Variants in SCHIP1 observed in about 807,000 individuals in gnomAD.
SCHIP1 encodes the protein schwannomin-interacting protein 1.
A neutral mutation model predicts 29.7 loss-of-function variants in SCHIP1; 8 were observed. The ratio of observed to expected loss-of-function variants is 0.27; its 90% CI spans 0.16 to 0.49. The LOEUF (loss-of-function observed/expected upper bound fraction) is 0.49. Among genes scored for constraint, SCHIP1 ranks in the 20% least tolerant of loss-of-function variants. The pLI is 0.99. For synonymous variants in SCHIP1, 76 were observed against 94.9 expected, an observed-to-expected ratio of 0.80 and a Z score of 1.16; for missense variants, 193 against 294.6, an observed-to-expected ratio of 0.66 and a Z score of 2.52.
chr3:159,804,866 T>C, the SCHIP1 span, among the ~76,000 whole-genome samples: 2 of 152,234 alleles, frequency 1.3e-5, no homozygotes, highest in Non-Finnish European at 2.9e-5. Flanking sequence ...CATTTACAGC[T>C]ATCCTCCCAC....
chr3:159,313,276 AG>A, the SCHIP1 span, among the ~76,000 whole-genome samples: 1 of 152,184 alleles, frequency 6.6e-6, no homozygotes, highest in Non-Finnish European at 1.5e-5. Context: ...ACAAAAGCAA[AG>A]TTCTTTGGTT....
the SCHIP1 span, among the ~76,000 whole-genome samples, chr3:159,693,248 G>A: frequency 1.3e-5 from 2 of 152,090 alleles, no homozygotes; most frequent in Non-Finnish European, 2.9e-5. Flanking sequence ...ATATTATTAA[G>A]AATAGTTTTA....
chr3:159,612,576 G>A, the SCHIP1 span, among the ~76,000 whole-genome samples: 41 of 152,274 alleles, frequency 2.7e-4, no homozygotes, highest in Middle Eastern at 3.4e-3. Flanking sequence ...GCGAAACTCC[G>A]TCTCTACTAA....
At chr3:159,322,053 T>G in the SCHIP1 span, among the ~76,000 whole-genome samples, 1 of 151,850 alleles carries the variant, frequency 6.6e-6, no homozygotes, top group East Asian at 2.0e-4. Context: ...TTGCCAGTAG[T>G]TCATATCACT....
the SCHIP1 span, among the ~76,000 whole-genome samples, chr3:159,452,162 GGGAT>G: frequency 6.7e-6 from 1 of 149,894 alleles, no homozygotes; most frequent in African/African-American, 2.4e-5. Flanking sequence ...TTTAAGTTCT[GGGAT>G]ACATGTGCAG....
In SCHIP1 at chr3:159,861,739, G is replaced by T. The variant is rs528338952; in HGVS notation, c.31-4424G>T. Among the ~76,000 whole-genome samples, 4 of 152,308 alleles carry T rather than the reference G, an allele frequency of 2.6e-5. No homozygotes were observed. Among genetic ancestry groups the T allele is most frequent in the Admixed American group, 1.3e-4 (2 of 15,298 alleles). On this transcript the variant is annotated intron_variant, in intron 1 of 6. Transcript: ENST00000445224. The surrounding 1 kb of genome is among the most constrained non-coding windows in gnomAD (Gnocchi z 4.1). The stretch of plus-strand genomic sequence containing the variant: ...TTTGCTAGCAATACTAATTTTAGAT[G>T]TTGTACTTTTGTTTTATGAGGGTAT...
chr3:159,661,346 A>T, the SCHIP1 span, among the ~76,000 whole-genome samples: 2 of 152,066 alleles, frequency 1.3e-5, no homozygotes, highest in East Asian at 3.8e-4. Context: ...GACATAAATG[A>T]CTTTTTTCCT....
At chr3:159,481,195 C>T in the SCHIP1 span, among the ~76,000 whole-genome samples, 1 of 152,154 alleles carries the variant, frequency 6.6e-6, no homozygotes, top group Non-Finnish European at 1.5e-5. Flanking sequence ...AATTATCAGG[C>T]TCTAGCCCAG....
chr3:159,412,542 A>G, the SCHIP1 span, among the ~76,000 whole-genome samples: 1 of 152,206 alleles, frequency 6.6e-6, no homozygotes, highest in Non-Finnish European at 1.5e-5. Flanking sequence ...CCTGCAGGGT[A>G]ACCATTGTGA....
the SCHIP1 span, among the ~76,000 whole-genome samples, chr3:159,826,077 A>T: frequency 1.3e-5 from 2 of 152,196 alleles, no homozygotes; most frequent in African/African-American, 4.8e-5. Flanking sequence ...GAGATTTAGG[A>T]TTTTATCCTA....
At chr3:159,736,494 C>G in the SCHIP1 span, among the ~76,000 whole-genome samples, 1 of 152,182 alleles carries the variant, frequency 6.6e-6, no homozygotes, top group Admixed American at 6.5e-5. Context: ...CCCCAACTCC[C>G]CAACTATTCT....
At chr3:159,378,183 C>T in the SCHIP1 span, among the ~76,000 whole-genome samples, 2 of 152,188 alleles carry the variant, frequency 1.3e-5, no homozygotes, top group African/African-American at 4.8e-5. Context: ...TAATTTGTAG[C>T]ACGTGGTGGA....
the SCHIP1 span, among the ~76,000 whole-genome samples, chr3:159,338,233 CA>C: frequency 6.6e-6 from 1 of 151,984 alleles, no homozygotes; most frequent in Non-Finnish European, 1.5e-5. Flanking sequence ...GTGTTATAAA[CA>C]ATAAAGCAGG....
chr3:159,737,989 G>A, the SCHIP1 span, among the ~76,000 whole-genome samples: 1 of 152,134 alleles, frequency 6.6e-6, no homozygotes, highest in Non-Finnish European at 1.5e-5. Context: ...TGAAAGACAT[G>A]TATTTAAGTT....
At chr3:159,665,052 A>AC in the SCHIP1 span, among the ~76,000 whole-genome samples, 4 of 152,176 alleles carry the variant, frequency 2.6e-5, no homozygotes, top group African/African-American at 9.7e-5. Flanking sequence ...CATTACAATC[A>AC]CCGGGGGGAC....
At chr3:159,347,928 G>A in the SCHIP1 span, among the ~76,000 whole-genome samples, 2 of 152,114 alleles carry the variant, frequency 1.3e-5, no homozygotes, top group Non-Finnish European at 2.9e-5. Context: ...TTGAAAAGAG[G>A]AAATTATTCA....
At chr3:159,798,495 C>T in the SCHIP1 span, among the ~76,000 whole-genome samples, 1 of 151,862 alleles carries the variant, frequency 6.6e-6, no homozygotes, top group Non-Finnish European at 1.5e-5. Context: ...CAGTGGTTCA[C>T]GCCCGTAATC....
intron 1 of SCHIP1, among the ~76,000 whole-genome samples, chr3:159,865,328 C>T (rs1577456697): frequency 6.6e-6 from 1 of 152,146 alleles, no homozygotes; most frequent in Non-Finnish European, 1.5e-5. Context: ...TTAATCTTCT[C>T]CCCTGTTGTT....
the SCHIP1 span, among the ~76,000 whole-genome samples, chr3:159,689,439 A>G: frequency 1.3e-5 from 2 of 152,178 alleles, no homozygotes; most frequent in South Asian, 4.2e-4. Context: ...ATTTTTGCAC[A>G]TTGATTTTTG....
Sources: gnomAD v4.1 joint callset for allele counts (sites outside exome capture counted in the v4.1 genomes callset) on GRCh38, gnomAD v4.1.1 for gene constraint, Gnocchi (gnomAD v3.1) non-coding constraint, MANE v1.5 for transcripts, NCBI Gene and HGNC (gene_info 2026-07-23, HGNC 2026-07-21) for gene names.